Variants in A1CF observed in about 807,000 individuals in gnomAD.
A1CF encodes APOBEC-1 stimulating protein.
Under a neutral mutation model 68.9 loss-of-function variants are expected in A1CF, and 48 were observed. That is an observed-to-expected ratio of 0.70 (90% CI 0.55 to 0.89). The LOEUF (loss-of-function observed/expected upper bound fraction) is 0.89, where lower values mean the gene tolerates loss of function less well. A1CF is among the 40% of genes least tolerant of loss of function. A1CF has a pLI of 0.00. For missense variants in A1CF, 653 were observed against 718.9 expected, an observed-to-expected ratio of 0.91 and a Z score of 1.05; for synonymous variants, 272 against 260.4, an observed-to-expected ratio of 1.04 and a Z score of -0.43.
intron 1 of A1CF, among the ~76,000 whole-genome samples, chr10:50,867,317 A>G (rs1031600064): frequency 3.9e-5 from 6 of 151,998 alleles, no homozygotes; most frequent in African/African-American, 1.4e-4. Flanking sequence ...ATAATATTAT[A>G]TATGTATAGT....
intron 3 of A1CF, among the ~76,000 whole-genome samples, chr10:50,855,599 C>A (rs757937589): frequency 4.0e-5 from 6 of 151,844 alleles, no homozygotes; most frequent in Non-Finnish European, 8.8e-5. Flanking sequence ...AGCATATTTC[C>A]AAACCCTTAG....
chr10:50,864,209 T>C (rs1391621984), intron 1 of A1CF, 129 bp from the exon 2 acceptor site: 1 of 152,152 alleles, frequency 6.6e-6, no homozygotes, highest in Non-Finnish European at 1.5e-5. Flanking sequence ...AATTTCCTCA[T>C]TTGTGAATTG....
chr10:50,870,990 T>G (rs938167907), intron 1 of A1CF, among the ~76,000 whole-genome samples: 1 of 151,718 alleles, frequency 6.6e-6, no homozygotes, highest in African/African-American at 2.4e-5. Context: ...CACGTGATCA[T>G]CACAGTAAAT....
chr10:50,823,450 T>C (rs753038289), intron 7 of A1CF: 1 of 152,212 alleles, frequency 6.6e-6, no homozygotes, highest in Non-Finnish European at 1.5e-5. Flanking sequence ...GCTGTGTTTC[T>C]TATCAACTTG....
intron 3 of A1CF, among the ~76,000 whole-genome samples, chr10:50,857,899 C>T (rs1840561844): frequency 1.3e-5 from 2 of 152,128 alleles, no homozygotes; most frequent in Non-Finnish European, 2.9e-5. Flanking sequence ...CAAAGAGAAC[C>T]CAGCAGGAGG....
At chr10:50,822,956 T>C (rs1838748590) in intron 7 of A1CF, 1 of 152,214 alleles carries the variant, frequency 6.6e-6, no homozygotes, top group African/African-American at 2.4e-5. Context: ...ACCTGGTTCC[T>C]GCCTACTGCC....
At chr10:50,824,337 T>C (rs927089894) in intron 7 of A1CF, 1 of 152,152 alleles carries the variant, frequency 6.6e-6, no homozygotes, top group Non-Finnish European at 1.5e-5. Flanking sequence ...AGCCTTTTAG[T>C]AGTTTCTCAT....
intron 1 of A1CF, among the ~76,000 whole-genome samples, chr10:50,881,954 A>G (rs147873399): frequency 2.0e-5 from 3 of 152,376 alleles, no homozygotes; most frequent in Non-Finnish European, 2.9e-5. Flanking sequence ...ATAAATCTAT[A>G]TAGGATAAAA....
At chr10:50,811,226 A>G in intron 10 of A1CF, 50 bp from the exon 11 acceptor site, 1 of 1,552,822 alleles carries the variant, frequency 6.4e-7, no homozygotes, top group Non-Finnish European at 8.7e-7. Flanking sequence ...CATTCACATT[A>G]TTTCCCAAGT....
chr10:50,816,683 T>A (rs534308258), intron 8 of A1CF, among the ~76,000 whole-genome samples: 1 of 152,334 alleles, frequency 6.6e-6, no homozygotes, highest in East Asian at 1.9e-4. Context: ...TCCATTACCT[T>A]GCACAATAAG....
Position 50,801,341 on chromosome 10 carries a change from T to C in A1CF, c.*5388A>G, listed in dbSNP as rs1029799294. 3 of 152,228 alleles carry C rather than the reference T, an allele frequency of 2.0e-5. No homozygotes were observed. Among genetic ancestry groups the C allele is most frequent in the Non-Finnish European group, 4.4e-5 (3 of 68,058 alleles). 9.4% of individuals were successfully genotyped at this position (152,228 alleles called of 1,614,324 possible). A position where few individuals can be genotyped will look rare whatever the true frequency, so the allele number is the denominator to read the frequency against. ...CTGCTTTGGAGAAGACAAAGCCAAT[T>C]CTACAAAATTAAAAACAACAAGAAA... On this transcript the variant is annotated 3_prime_UTR_variant, in exon 13 of 13. Transcript: ENST00000373997.
At chr10:50,874,447 G>C (rs1335729206) in intron 1 of A1CF, among the ~76,000 whole-genome samples, 1 of 152,106 alleles carries the variant, frequency 6.6e-6, no homozygotes, top group African/African-American at 2.4e-5. Flanking sequence ...TCAATGAGAA[G>C]CACTTTAAAT....
chr10:50,848,929 C>G (rs1156743797), intron 3 of A1CF, among the ~76,000 whole-genome samples: 1 of 152,174 alleles, frequency 6.6e-6, no homozygotes, highest in African/African-American at 2.4e-5. Flanking sequence ...AAGTTGACAA[C>G]AAGGCATGGA....
chr10:50,863,760 G>T (rs1469345987), intron 2 of A1CF, among the ~76,000 whole-genome samples: 2 of 151,920 alleles, frequency 1.3e-5, no homozygotes, highest in African/African-American at 4.8e-5. Flanking sequence ...AATAGAAGTT[G>T]GTTAAGGGGT....
intron 7 of A1CF, among the ~76,000 whole-genome samples, chr10:50,823,282 T>C (rs1838761526): frequency 6.6e-6 from 1 of 152,208 alleles, no homozygotes; most frequent in Non-Finnish European, 1.5e-5. Flanking sequence ...TATTTTATTA[T>C]GTTTCTTCTT....
At chr10:50,880,363 T>C (rs1397132271) in intron 1 of A1CF, among the ~76,000 whole-genome samples, 1 of 152,202 alleles carries the variant, frequency 6.6e-6, no homozygotes, top group Non-Finnish European at 1.5e-5. Context: ...CATAGAGTGA[T>C]GGAGGATTAA....
At chr10:50,881,807 A>C (rs1160301848) in intron 1 of A1CF, among the ~76,000 whole-genome samples, 1 of 152,208 alleles carries the variant, frequency 6.6e-6, no homozygotes, top group Admixed American at 6.5e-5. Context: ...TTAACTGTGC[A>C]AATCAGAAGG....
Position 50,864,082 on chromosome 10 carries a change from T to C in A1CF, c.-93-2A>G, listed in dbSNP as rs185469697. On this transcript the variant is annotated splice_acceptor_variant, in intron 1 of 12. Transcript: ENST00000373997. LOFTEE classifies it low-confidence loss of function (5UTR_SPLICE). ...AGGTTTTTGGCACAGCACTGTTATC[T>C]AGTTGAGGATGGGTGAGAGCAGAAA... 6.4e-4 allele frequency: 98 copies of C among 152,240 alleles called. No individual in the cohort carries two copies. Among genetic ancestry groups the C allele is most frequent in the African/African-American group, 2.2e-3 (92 of 41,536 alleles). 9.4% of individuals were successfully genotyped at this position (152,240 alleles called of 1,614,324 possible).
At chr10:50,881,953 T>C (rs1251470721) in intron 1 of A1CF, among the ~76,000 whole-genome samples, 1 of 152,186 alleles carries the variant, frequency 6.6e-6, no homozygotes, top group Non-Finnish European at 1.5e-5. Flanking sequence ...TATAAATCTA[T>C]ATAGGATAAA....
Sources: gnomAD v4.1 joint callset for allele counts (sites outside exome capture counted in the v4.1 genomes callset) on GRCh38, gnomAD v4.1.1 for gene constraint, MANE v1.5 for transcripts, NCBI Gene and HGNC (gene_info 2026-07-23, HGNC 2026-07-21) for gene names.